The following PTPRN2 variants were observed in gnomAD, a reference collection of about 807,000 sequenced individuals.
PTPRN2 encodes the protein protein tyrosine phosphatase receptor type N2, also known as receptor-type tyrosine-protein phosphatase N2.
Under a neutral mutation model 118.8 loss-of-function variants are expected in PTPRN2, and 74 were observed. The ratio of observed to expected loss-of-function variants is 0.62; its 90% CI spans 0.52 to 0.76. PTPRN2 has a LOEUF of 0.76. Among genes scored for constraint, PTPRN2 ranks in the 30% least tolerant of loss-of-function variants. PTPRN2 has a pLI of 0.00. For synonymous variants in PTPRN2, 641 were observed against 608.0 expected (o/e 1.05, Z -0.80); for missense variants, 1,481 against 1,394.4 (o/e 1.06, Z -0.99).
At chr7:158,458,521 CA>C (rs1460661910) in intron 2 of PTPRN2, among the ~76,000 whole-genome samples, 1 of 152,104 alleles carries the variant, frequency 6.6e-6, no homozygotes, top group Non-Finnish European at 1.5e-5. Context: ...CAGCAAAATG[CA>C]AAACCACGCC....
rs1827521048 is a variant in PTPRN2 at position 158,563,756 on chromosome 7, C to T, written c.112+23802G>A. ...TCCATCTAGGGGCACAGTCTCCCTCCCTTCCCCTTATCCCTCAGATTGTGA... is the reference window on the plus strand; with the variant it reads ...TCCATCTAGGGGCACAGTCTCCCTCTCTTCCCCTTATCCCTCAGATTGTGA... On this transcript the variant is annotated intron_variant, in intron 1 of 22. Transcript: ENST00000389418. The surrounding 1 kb of genome is among the most constrained non-coding windows in gnomAD (Gnocchi z 5.1). 6.6e-6 allele frequency among the ~76,000 whole-genome samples: 1 copy of T among 152,248 alleles called. No individual in the cohort carries two copies. Among genetic ancestry groups the T allele is most frequent in the African/African-American group, 2.4e-5 (1 of 41,474 alleles).
At chr7:157,805,561 G>A (rs778718214) in intron 12 of PTPRN2, among the ~76,000 whole-genome samples, 9 of 152,170 alleles carry the variant, frequency 5.9e-5, no homozygotes, top group African/African-American at 1.7e-4. Context: ...TGTATTCGAC[G>A]TAAACTCCCG....
At chr7:158,386,561 G>C (rs1811400476) in intron 2 of PTPRN2, among the ~76,000 whole-genome samples, 1 of 152,160 alleles carries the variant, frequency 6.6e-6, no homozygotes, top group Non-Finnish European at 1.5e-5. Context: ...CTATGGATGG[G>C]TGCAGGAGAT....
chr7:157,642,280 G>A (rs1285187920), intron 14 of PTPRN2, among the ~76,000 whole-genome samples: 1 of 152,210 alleles, frequency 6.6e-6, no homozygotes, highest in East Asian at 1.9e-4. Flanking sequence ...CCGTGCTGAG[G>A]ACATGAAGGT....
chr7:158,582,703 G>A (rs1341347802), intron 1 of PTPRN2, among the ~76,000 whole-genome samples: 1 of 151,144 alleles, frequency 6.6e-6, no homozygotes, highest in Non-Finnish European at 1.5e-5. Flanking sequence ...AGGCTAAGAT[G>A]GGTGGATTGC....
At chr7:158,139,930 A>G (rs1819214092) in intron 6 of PTPRN2, among the ~76,000 whole-genome samples, 1 of 151,258 alleles carries the variant, frequency 6.6e-6, no homozygotes, top group Non-Finnish European at 1.5e-5. Flanking sequence ...AGACATTTTC[A>G]TATCACGTAT....
At chr7:158,325,059 A>C (rs796570402) in intron 2 of PTPRN2, among the ~76,000 whole-genome samples, 3 of 146,342 alleles carry the variant, frequency 2.0e-5, no homozygotes, top group African/African-American at 5.1e-5. Context: ...CCCCACAATT[A>C]TCCACAGAGA....
chr7:158,061,386 AC>A (rs1335676203), intron 11 of PTPRN2, among the ~76,000 whole-genome samples: 2 of 152,132 alleles, frequency 1.3e-5, no homozygotes, highest in African/African-American at 2.4e-5. Flanking sequence ...TGCTCCAGAC[AC>A]CTGTTCCGAG....
At chr7:158,425,810 CGCGGGGTCCG>C in intron 2 of PTPRN2, among the ~76,000 whole-genome samples, 2 of 115,536 alleles carry the variant, frequency 1.7e-5, no homozygotes, top group East Asian at 2.5e-4. Context: ...CCGGGAAAGA[CGCGGGGTCCG>C]AGACCAGCCT....
intron 1 of PTPRN2, among the ~76,000 whole-genome samples, chr7:158,584,217 A>AG (rs373049900): frequency 3.3e-5 from 5 of 152,264 alleles, no homozygotes; most frequent in South Asian, 2.1e-4. Flanking sequence ...AGCAAAAGGA[A>AG]GGGGGGGCCT....
intron 22 of PTPRN2, among the ~76,000 whole-genome samples, chr7:157,546,398 A>C (rs1001786739): frequency 3.3e-5 from 5 of 152,304 alleles, no homozygotes; most frequent in African/African-American, 4.8e-5. Flanking sequence ...TAAGCTCCGC[A>C]TGCATTAGCT....
At chr7:158,166,093 A>T (rs1372689381) in intron 6 of PTPRN2, among the ~76,000 whole-genome samples, 2 of 152,114 alleles carry the variant, frequency 1.3e-5, no homozygotes, top group African/African-American at 4.8e-5. Flanking sequence ...GATATGGATG[A>T]CACAAGCTGT....
intron 12 of PTPRN2, among the ~76,000 whole-genome samples, chr7:157,838,106 G>A (rs982862709): frequency 1.4e-4 from 20 of 147,930 alleles, no homozygotes; most frequent in African/African-American, 4.6e-4. Flanking sequence ...TCTCCACTAT[G>A]CCTACTCCAG....
At chr7:157,753,181 G>A (rs1490103701) in intron 12 of PTPRN2, among the ~76,000 whole-genome samples, 1 of 152,158 alleles carries the variant, frequency 6.6e-6, no homozygotes, top group African/African-American at 2.4e-5. Flanking sequence ...TGCTGACGTC[G>A]GAACCCACAC....
chr7:158,206,182 TGAGGA>T (rs1017191224), intron 3 of PTPRN2, among the ~76,000 whole-genome samples: 3 of 152,030 alleles, frequency 2.0e-5, no homozygotes, highest in Non-Finnish European at 4.4e-5. Context: ...TCCTTCTCCT[TGAGGA>T]GAGGAGAGGG....
At chr7:157,566,703 T>C (rs556029572) in intron 21 of PTPRN2, among the ~76,000 whole-genome samples, 4 of 152,352 alleles carry the variant, frequency 2.6e-5, no homozygotes, top group South Asian at 4.1e-4. Context: ...CATGCCACAA[T>C]GGAGCCAGTG....
At chr7:158,317,551 C>T (rs1802437940) in intron 2 of PTPRN2, among the ~76,000 whole-genome samples, 1 of 152,216 alleles carries the variant, frequency 6.6e-6, no homozygotes, top group African/African-American at 2.4e-5. Flanking sequence ...TCCAACCACA[C>T]CTTCTAATTA....
intron 3 of PTPRN2, among the ~76,000 whole-genome samples, chr7:158,260,260 C>T (rs1241225523): frequency 1.3e-5 from 2 of 152,198 alleles, no homozygotes; most frequent in African/African-American, 4.8e-5. Context: ...GCCAGGATGC[C>T]GCCCTAGGCT....
At chr7:158,128,265 A>G (rs957527638) in intron 9 of PTPRN2, among the ~76,000 whole-genome samples, 1 of 152,264 alleles carries the variant, frequency 6.6e-6, no homozygotes, top group Non-Finnish European at 1.5e-5. Flanking sequence ...TCTCCTTGCA[A>G]GAAGAGAGGA....
Sources: allele counts gnomAD v4.1 joint callset (sites outside exome capture counted in the v4.1 genomes callset), GRCh38; gene constraint gnomAD v4.1.1; non-coding constraint Gnocchi (gnomAD v3.1); transcripts MANE v1.5; gene names NCBI Gene and HGNC (gene_info 2026-07-23, HGNC 2026-07-21).